Variants in COL24A1 observed in about 807,000 individuals in gnomAD.
COL24A1 encodes the protein collagen alpha-1(XXIV) chain.
Under a neutral mutation model 253.9 loss-of-function variants are expected in COL24A1, and 224 were observed. The observed-to-expected ratio is 0.88, with a 90% CI of 0.79 to 0.99. The LOEUF (loss-of-function observed/expected upper bound fraction) is 0.99. COL24A1 is among the 50% of genes least tolerant of loss of function. COL24A1 has a pLI of 0.00. For synonymous variants in COL24A1, 685 were observed against 673.7 expected (o/e 1.02, Z -0.26); for missense variants, 2,131 against 2,068.5 (o/e 1.03, Z -0.59).
chr1:85,933,942 A>G (rs192864333), intron 24 of COL24A1, among the ~76,000 whole-genome samples: 2 of 152,338 alleles, frequency 1.3e-5, no homozygotes, highest in South Asian at 2.1e-4. Context: ...AATAATAAAC[A>G]TGTATTATCT....
At chr1:86,017,810 G>A (rs1418530358) in intron 18 of COL24A1, among the ~76,000 whole-genome samples, 1 of 152,214 alleles carries the variant, frequency 6.6e-6, no homozygotes, top group Non-Finnish European at 1.5e-5. Context: ...CTCATTAAAT[G>A]TCAACCAATT....
intron 53 of COL24A1, among the ~76,000 whole-genome samples, chr1:85,769,253 G>A (rs366516): frequency 0.78 from 118,322 of 152,076 alleles, 46,302 homozygotes; most frequent in Non-Finnish European, 0.82. Context: ...TAAAATGTTT[G>A]TGTCTTCAAG....
rs1366175185 is a variant in COL24A1 at position 86,156,524 on chromosome 1, G to A, written c.-128C>T. The A allele has an allele frequency of 1.0e-5, 8 of 797,866 alleles. No homozygotes were observed. Among genetic ancestry groups the A allele is most frequent in the Admixed American group, 3.5e-5 (1 of 28,834 alleles). The allele number at this position is 797,866 out of a possible 1,614,324, so 49.4% of individuals were successfully genotyped here. A position where few individuals can be genotyped will look rare whatever the true frequency, so the allele number is the denominator to read the frequency against. ...CACATGAAAACCATGCTTCAAACCCGCAACAAGAAAAAAAGGAGGGGAGGG... is the reference window on the plus strand; with the variant it reads ...CACATGAAAACCATGCTTCAAACCCACAACAAGAAAAAAAGGAGGGGAGGG... On this transcript the variant is annotated 5_prime_UTR_variant, in exon 1 of 60. Coordinates refer to ENST00000370571, the MANE Select transcript of COL24A1 (RefSeq NM_152890.7).
At chr1:85,797,375 G>A (rs1670945485) in intron 47 of COL24A1, among the ~76,000 whole-genome samples, 1 of 152,158 alleles carries the variant, frequency 6.6e-6, no homozygotes, top group Non-Finnish European at 1.5e-5. Context: ...AAAGTTCAGA[G>A]CAGACAAGCT....
At chr1:86,036,604 T>G (rs543787005) in intron 12 of COL24A1, among the ~76,000 whole-genome samples, 75 of 152,308 alleles carry the variant, frequency 4.9e-4, no homozygotes, top group African/African-American at 1.8e-3. Flanking sequence ...TGCTAATAAC[T>G]GCATTAATAT....
At chr1:86,105,237 C>T (rs746299637) in intron 5 of COL24A1, among the ~76,000 whole-genome samples, 1 of 152,142 alleles carries the variant, frequency 6.6e-6, no homozygotes, top group Non-Finnish European at 1.5e-5. Flanking sequence ...ACACCAGCTA[C>T]AGTGCTATGG....
intron 7 of COL24A1, among the ~76,000 whole-genome samples, chr1:86,064,539 C>G (rs1253005474): frequency 1.3e-5 from 2 of 152,058 alleles, no homozygotes; most frequent in African/African-American, 2.4e-5. Context: ...CTACTGTTTA[C>G]CAAAGGATTT....
chr1:86,065,756 TA>T (rs71078636), intron 7 of COL24A1, among the ~76,000 whole-genome samples: 7,409 of 118,514 alleles, frequency 0.063, 365 homozygotes, highest in African/African-American at 0.15. Flanking sequence ...TAGCAACCTC[TA>T]AAAAAAAAAA....
intron 2 of COL24A1, among the ~76,000 whole-genome samples, chr1:86,139,306 C>G (rs1650739810): frequency 1.3e-5 from 2 of 151,932 alleles, no homozygotes; most frequent in Non-Finnish European, 2.9e-5. Context: ...GTCTTTGACT[C>G]TAAACTCAGT....
chr1:85,967,142 A>G (rs1571402630), intron 22 of COL24A1, among the ~76,000 whole-genome samples: 1 of 152,280 alleles, frequency 6.6e-6, no homozygotes, highest in South Asian at 2.1e-4. Context: ...AAGAAAGCAG[A>G]GTATAGATAA....
At chr1:85,892,487 A>G (rs896865105) in intron 31 of COL24A1, among the ~76,000 whole-genome samples, 10 of 152,122 alleles carry the variant, frequency 6.6e-5, no homozygotes, top group African/African-American at 2.4e-4. Context: ...TATAGGTTAC[A>G]GGAAAATGAC....
In COL24A1 at chr1:85,827,204, T is replaced by C. The variant is rs574254396; in HGVS notation, c.3682-3466A>G. Among the ~76,000 whole-genome samples the C allele has an allele frequency of 5.9e-5, 9 of 152,128 alleles. No homozygotes were observed. The East Asian group carries it at 1.5e-3, about 26-fold the overall frequency. ...ATAATCATGTGGTTTTTGTCTTTGG[T>C]TCTGTTTATATGGTGGATTACATTT... On this transcript the variant is annotated intron_variant, in intron 43 of 59. Coordinates refer to ENST00000370571, the MANE Select transcript of COL24A1 (RefSeq NM_152890.7).
intron 5 of COL24A1, among the ~76,000 whole-genome samples, chr1:86,102,242 G>T (rs182446524): frequency 8.9e-4 from 135 of 151,978 alleles, no homozygotes; most frequent in African/African-American, 3.0e-3. Flanking sequence ...TATCCCCTTT[G>T]TTGTTTCTAA....
In COL24A1 at chr1:85,928,744, C is replaced by G. The variant is rs200155707; in HGVS notation, c.2563-17311G>C. Among the ~76,000 whole-genome samples the G allele has an allele frequency of 8.8e-4, 55 of 62,326 alleles. 23 individuals are homozygous for G. The highest frequency in any genetic ancestry group is 2.5e-4 in the Non-Finnish European group (8 of 31,398). The allele number at this position is 62,326 out of a possible 152,430, so 40.9% of individuals were successfully genotyped here. A position where few individuals can be genotyped will look rare whatever the true frequency, so the allele number is the denominator to read the frequency against. ...CTAATAGCGGATCTCTTGGCAGAAA[C>G]TCTATAAGCCAGAAGAGAGTGGGGG... On this transcript the variant is annotated intron_variant, in intron 24 of 59. Coordinates refer to ENST00000370571, the MANE Select transcript of COL24A1 (RefSeq NM_152890.7).
intron 12 of COL24A1, among the ~76,000 whole-genome samples, chr1:86,046,181 C>G (rs1032998510): frequency 2.6e-5 from 4 of 152,112 alleles, no homozygotes; most frequent in African/African-American, 9.7e-5. Context: ...TATTCAGGTA[C>G]ACAAAATTTT....
rs930295130 is a variant in COL24A1, at chr1:85,868,625, C to A, written c.3194G>T (p.Gly1065Val). Residue 1065 changes from glycine (G) to valine (V), a missense_variant and splice_region_variant, in exon 37 of 60, where the codon GGA (glycine) becomes GTA (valine). Coordinates refer to ENST00000370571, the MANE Select transcript of COL24A1 (RefSeq NM_152890.7). ...AGGAAGTCCCCTTCCTCCTGGTACT[C>A]CCTGTAATGCAATAAAAAAGTTTTC... Reference protein sequence around the residue: ...EGLQGKDGLKGVPGGRGLPGE... With the variant: ...EGLQGKDGLKVVPGGRGLPGE... 5 of 1,611,548 alleles carry A rather than the reference C, an allele frequency of 3.1e-6. No individual in the cohort carries two copies. The highest frequency in any genetic ancestry group is 4.2e-6 in the Non-Finnish European group (5 of 1,178,128).
At chr1:85,873,130 A>G (rs1226852326) in intron 35 of COL24A1, among the ~76,000 whole-genome samples, 3 of 152,336 alleles carry the variant, frequency 2.0e-5, no homozygotes, top group Non-Finnish European at 1.5e-5. Flanking sequence ...CAAAACCACA[A>G]TGAGATACCA....
At chr1:86,118,379 G>A (rs967116370) in intron 3 of COL24A1, among the ~76,000 whole-genome samples, 4 of 151,964 alleles carry the variant, frequency 2.6e-5, no homozygotes, top group Non-Finnish European at 5.9e-5. Context: ...ACTTTTTTAA[G>A]GTATGCATAA....
intron 13 of COL24A1, among the ~76,000 whole-genome samples, chr1:86,032,348 A>C (rs1054831827): frequency 6.6e-6 from 1 of 152,182 alleles, no homozygotes; most frequent in Admixed American, 6.6e-5. Context: ...TACATTATTT[A>C]AATTCTCTAA....
Sources: allele counts gnomAD v4.1 joint callset (sites outside exome capture counted in the v4.1 genomes callset), GRCh38; gene constraint gnomAD v4.1.1; transcripts MANE v1.5; gene names NCBI Gene and HGNC (gene_info 2026-07-23, HGNC 2026-07-21).